MACROH2A1: variants seen among roughly 807,000 people sequenced by gnomAD.
The protein encoded by MACROH2A1 is core histone macro-H2A.1.
Under a neutral mutation model 31.6 loss-of-function variants are expected in MACROH2A1, and 2 were observed. That is an observed-to-expected ratio of 0.06 (90% CI 0.03 to 0.20). The LOEUF (loss-of-function observed/expected upper bound fraction) is 0.20, where lower values mean the gene tolerates loss of function less well. MACROH2A1 is among the 10% of genes least tolerant of loss of function. The pLI, the probability that MACROH2A1 is intolerant of heterozygous loss-of-function variation, is 1.00. For synonymous variants in MACROH2A1, 169 were observed against 189.6 expected (o/e 0.89, Z 0.89); for missense variants, 230 against 474.0 (o/e 0.49, Z 4.78).
rs1768316193 is a variant in MACROH2A1, at chr5:135,398,366, A to G, written c.-34+696T>C. On this transcript the variant is annotated intron_variant, in intron 1 of 8. Transcript: ENST00000511689. This position sits in a 1 kb window ranked among gnomAD's most constrained non-coding sequence, Gnocchi z 4.6. ...CCTTCCGGAGTTACCTTTTAAAAAA[A>G]GCAAACCCTTCCTACCACAAAGCAA... 6.6e-6 allele frequency among the ~76,000 whole-genome samples: 1 copy of G among 152,152 alleles called. No homozygotes were observed. Among genetic ancestry groups the G allele is most frequent in the African/African-American group, 2.4e-5 (1 of 41,436 alleles).
chr5:135,347,801 T>C (rs1475463680), intron 6 of MACROH2A1, among the ~76,000 whole-genome samples: 2 of 152,194 alleles, frequency 1.3e-5, no homozygotes, highest in Non-Finnish European at 2.9e-5. Context: ...AGTCTAGCCT[T>C]CTGTCTTAAA....
chr5:135,389,837 G>C (rs561367986), intron 1 of MACROH2A1, among the ~76,000 whole-genome samples: 1 of 152,294 alleles, frequency 6.6e-6, no homozygotes, highest in East Asian at 1.9e-4. Context: ...TAATCAAGTG[G>C]TCACAAATGT....
intron 1 of MACROH2A1, among the ~76,000 whole-genome samples, chr5:135,395,916 C>G (rs1767907861): frequency 6.6e-6 from 1 of 152,152 alleles, no homozygotes; most frequent in Admixed American, 6.5e-5. Context: ...AAATCATAAA[C>G]CATGCATTTT....
At chr5:135,394,584 A>G (rs968525595) in intron 1 of MACROH2A1, among the ~76,000 whole-genome samples, 1 of 151,988 alleles carries the variant, frequency 6.6e-6, no homozygotes, top group Non-Finnish European at 1.5e-5. Context: ...TCTTTAATAT[A>G]CTCAATTATT....
rs532796258 is a variant in MACROH2A1 at position 135,392,079 on chromosome 5, C to T, written c.-33-2953G>A. ...ACTGTGTTAAGGATGTCTCTGAACA[C>T]GCAGTTCTCCTGCCTGGAATGCCCT... On this transcript the variant is annotated intron_variant, in intron 1 of 8. Transcript: ENST00000511689. Among the ~76,000 whole-genome samples the T allele has an allele frequency of 2.4e-4, 37 of 152,314 alleles. 1 individual carries two copies. Among genetic ancestry groups the T allele is most frequent in the Middle Eastern group, 6.8e-3 (2 of 294 alleles).
chr5:135,359,421 C>G, intron 5 of MACROH2A1: 1 of 985,028 alleles, frequency 1.0e-6, no homozygotes, highest in Non-Finnish European at 1.2e-6. Context: ...ATCCCCAGAC[C>G]TTAAGATGAC....
At position 135,377,469 on chromosome 5, in the gene MACROH2A1, C is replaced by A. The variant is rs1198992549; in HGVS notation, c.173-7327G>T. Among the ~76,000 whole-genome samples the A allele has an allele frequency of 4.6e-5, 7 of 152,298 alleles. No homozygotes were observed. In the South Asian group the frequency reaches 1.2e-3, roughly 27 times the overall value. On this transcript the variant is annotated intron_variant, in intron 2 of 8. Coordinates refer to ENST00000511689, the MANE Select transcript of MACROH2A1 (RefSeq NM_138610.3). Reference sequence around the variant, plus strand: ...GTAAAGAGGAAACTCATTTAAGGAGCCCTGTCATGGTACGGTTTCCCAGAT... The same window carrying A: ...GTAAAGAGGAAACTCATTTAAGGAGACCTGTCATGGTACGGTTTCCCAGAT...
chr5:135,344,907 C>T (rs572130408), intron 7 of MACROH2A1: 1 of 152,334 alleles, frequency 6.6e-6, no homozygotes, highest in South Asian at 2.1e-4. Context: ...CAAGGGCTAC[C>T]AGCAGGACTC....
chr5:135,359,120 T>C, intron 5 of MACROH2A1: 1 of 985,444 alleles, frequency 1.0e-6, no homozygotes, highest in Non-Finnish European at 1.2e-6. Context: ...TGAGGAATTC[T>C]GATCTGAGGC....
At chr5:135,376,872 C>T (rs192325652) in intron 2 of MACROH2A1, among the ~76,000 whole-genome samples, 20 of 152,202 alleles carry the variant, frequency 1.3e-4, no homozygotes, top group Non-Finnish European at 2.8e-4. Flanking sequence ...GAAAACTGCA[C>T]TTCCTTTGCC....
chr5:135,363,463 C>G (rs1763104604), intron 4 of MACROH2A1, among the ~76,000 whole-genome samples: 1 of 152,186 alleles, frequency 6.6e-6, no homozygotes, highest in African/African-American at 2.4e-5. Context: ...TTTCATAAAG[C>G]CTATTGTCTG....
At chr5:135,358,797 C>T (rs1187899440) in intron 5 of MACROH2A1, 1 of 984,404 alleles carries the variant, frequency 1.0e-6, no homozygotes, top group African/African-American at 1.8e-5. Context: ...TCATTATTAG[C>T]CAAAATTTTA....
At chr5:135,385,340 C>T (rs61424623) in intron 2 of MACROH2A1, among the ~76,000 whole-genome samples, 5 of 152,226 alleles carry the variant, frequency 3.3e-5, no homozygotes, top group African/African-American at 1.2e-4. Flanking sequence ...CTGTCTCCCC[C>T]CTTGCAGCAC....
chr5:135,381,574 C>T (rs1765654955), intron 2 of MACROH2A1, among the ~76,000 whole-genome samples: 1 of 152,038 alleles, frequency 6.6e-6, no homozygotes, highest in African/African-American at 2.4e-5. Context: ...ATGATCATGC[C>T]AGTGCACTCC....
At position 135,334,898 on chromosome 5, in the gene MACROH2A1, T is replaced by G; in HGVS notation, c.*78A>C. 1.6e-6 allele frequency: 2 copies of G among 1,227,314 alleles called. No individual in the cohort carries two copies. The highest frequency in any genetic ancestry group is 2.3e-6 in the Non-Finnish European group (2 of 861,586). The allele number at this position is 1,227,314 out of a possible 1,614,324, so 76.0% of individuals were successfully genotyped here. ...AAATGAAAGGGGTCCCACCTCCCAGTAGGAGTGAAGGGGATTTTTTTTTTC... is the reference window on the plus strand; with the variant it reads ...AAATGAAAGGGGTCCCACCTCCCAGGAGGAGTGAAGGGGATTTTTTTTTTC... On this transcript the variant is annotated 3_prime_UTR_variant, in exon 9 of 9. Transcript: ENST00000511689.
At chr5:135,387,613 A>T (rs979311677) in intron 2 of MACROH2A1, among the ~76,000 whole-genome samples, 1 of 152,134 alleles carries the variant, frequency 6.6e-6, no homozygotes, top group African/African-American at 2.4e-5. Flanking sequence ...TACACAGTGA[A>T]AGCATTACGA....
chr5:135,336,679 T>C (rs956016925), intron 8 of MACROH2A1, among the ~76,000 whole-genome samples: 1 of 152,172 alleles, frequency 6.6e-6, no homozygotes, highest in Admixed American at 6.5e-5. Context: ...GGGCGGCATG[T>C]ATAGTGAAAG....
At chr5:135,352,852 C>A (rs1462602085) in intron 6 of MACROH2A1, 94 bp downstream of exon 6, 2 of 765,128 alleles carry the variant, frequency 2.6e-6, no homozygotes, top group African/African-American at 3.4e-5. Context: ...TTTGGCTTGA[C>A]CACTGTAAAG....
chr5:135,390,698 G>C (rs1767105837), intron 1 of MACROH2A1, among the ~76,000 whole-genome samples: 2 of 152,180 alleles, frequency 1.3e-5, no homozygotes, highest in African/African-American at 4.8e-5. Flanking sequence ...AGTCAATGCT[G>C]TGACCACTGG....
Sources: allele counts gnomAD v4.1 joint callset (sites outside exome capture counted in the v4.1 genomes callset), GRCh38; gene constraint gnomAD v4.1.1; non-coding constraint Gnocchi (gnomAD v3.1); transcripts MANE v1.5; gene names NCBI Gene and HGNC (gene_info 2026-07-23, HGNC 2026-07-21).